SREBF2: variants seen among roughly 807,000 people sequenced by gnomAD.
The protein encoded by SREBF2 is sterol regulatory element binding transcription factor 2.
In SREBF2, 55 loss-of-function variants were observed where a neutral mutation model predicts 113.1. The observed-to-expected ratio is 0.49, with a 90% CI of 0.39 to 0.61. The LOEUF (loss-of-function observed/expected upper bound fraction) is 0.61. Among genes scored for constraint, SREBF2 ranks in the 20% least tolerant of loss-of-function variants. SREBF2 has a pLI of 0.00. For missense variants in SREBF2, 1,349 were observed against 1,487.4 expected (o/e 0.91, Z 1.53); for synonymous variants, 593 against 605.7 (o/e 0.98, Z 0.31).
chr22:41,894,956 T>TC lies in SREBF2; in HGVS notation c.2495+24dup, dbSNP rs1221527022. On this transcript the variant is annotated intron_variant, in intron 13 of 18. Transcript: ENST00000361204. ...AGAGCTGGTAAAGTCCCCAGACCAG[T>TC]CCCCCTGCCTTAGGACCTGTCCACG... 6.2e-7 allele frequency: 1 copy of TC among 1,602,710 alleles called. No individual in the cohort carries two copies. Among genetic ancestry groups the TC allele is most frequent in the Non-Finnish European group, 8.5e-7 (1 of 1,170,420 alleles).
chr22:41,841,827 T>C (rs1727652789), intron 1 of SREBF2, among the ~76,000 whole-genome samples: 1 of 152,212 alleles, frequency 6.6e-6, no homozygotes. Flanking sequence ...TGCTGTATGT[T>C]GAAGTAGTTG....
At chr22:41,874,872 A>G (rs1273752346) in intron 5 of SREBF2, among the ~76,000 whole-genome samples, 3 of 152,004 alleles carry the variant, frequency 2.0e-5, no homozygotes, top group African/African-American at 7.2e-5. Context: ...GCGCCATTGC[A>G]CTCCATCCTG....
In SREBF2 at chr22:41,867,027, C is replaced by A; in HGVS notation, c.285C>A (p.Val95=). Residue 95 remains valine, a synonymous_variant, in exon 2 of 19, where the codon GTC becomes GTA. Coordinates refer to ENST00000361204, the MANE Select transcript of SREBF2 (RefSeq NM_004599.4). ...CAGTGCAACGGTCATTCACCCAGGT[C>A]ACATTACCTTCCTTCTCTCCCTCGG... The part of the protein sequence containing the change: ...DPSVQRSFTQ[V]TLPSFSPSAA... The A allele has an allele frequency of 2.5e-6, 4 of 1,614,194 alleles. No homozygotes were observed. Among genetic ancestry groups the A allele is most frequent in the Non-Finnish European group, 3.4e-6 (4 of 1,180,048 alleles).
chr22:41,895,123 C>A (rs1318614265), intron 13 of SREBF2, among the ~76,000 whole-genome samples, 186 bp downstream of exon 13: 1 of 151,514 alleles, frequency 6.6e-6, no homozygotes, highest in African/African-American at 2.4e-5. Flanking sequence ...CCTGGCCTTT[C>A]CTCCTAGACC....
At chr22:41,901,923 G>A (rs1235079886) in intron 16 of SREBF2, among the ~76,000 whole-genome samples, 1 of 152,252 alleles carries the variant, frequency 6.6e-6, no homozygotes, top group Admixed American at 6.5e-5. Flanking sequence ...CCCTCGGAGG[G>A]CAGAATCCAG....
At chr22:41,886,120 C>T (rs1200356666) in intron 11 of SREBF2, 2 of 152,260 alleles carry the variant, frequency 1.3e-5, no homozygotes, top group Non-Finnish European at 2.9e-5. Flanking sequence ...AGCAGCCCTT[C>T]TTGAGCTTGA....
intron 1 of SREBF2, among the ~76,000 whole-genome samples, chr22:41,839,529 C>T (rs2076808128): frequency 6.6e-6 from 1 of 151,990 alleles, no homozygotes; most frequent in Non-Finnish European, 1.5e-5. Flanking sequence ...ATGAGGGAAT[C>T]CAAGGCAGAA....
At position 41,855,019 on chromosome 22, in the gene SREBF2, T is replaced by TA. The variant is rs746090034; in HGVS notation, c.89-11796dup. ...CTGGACCAACAGGCATGTGCAGCATTAAAAAAAAAAAAAAAACTTACTATG... is the reference window on the plus strand; with the variant it reads ...CTGGACCAACAGGCATGTGCAGCATTAAAAAAAAAAAAAAAAACTTACTATG... On this transcript the variant is annotated intron_variant, in intron 1 of 18. Transcript: ENST00000361204. 8.5e-3 allele frequency among the ~76,000 whole-genome samples: 1,173 copies of TA among 138,412 alleles called. 6 individuals carry two copies. The highest frequency in any genetic ancestry group is 0.012 in the African/African-American group (466 of 37,826). The allele number at this position is 138,412 out of a possible 152,430, so 90.8% of individuals were successfully genotyped here.
At chr22:41,847,738 C>T (rs1262755648) in intron 1 of SREBF2, among the ~76,000 whole-genome samples, 3 of 152,186 alleles carry the variant, frequency 2.0e-5, no homozygotes, top group Non-Finnish European at 4.4e-5. Context: ...GCATCTACCT[C>T]AAAGTGTCAT....
chr22:41,837,721 C>T (rs924219079), intron 1 of SREBF2, among the ~76,000 whole-genome samples: 4 of 149,620 alleles, frequency 2.7e-5, no homozygotes, highest in South Asian at 2.1e-4. Flanking sequence ...AGCCGGGCGT[C>T]GTGGCACATG....
At chr22:41,890,672 A>T (rs867406382) in intron 11 of SREBF2, among the ~76,000 whole-genome samples, 26 of 147,370 alleles carry the variant, frequency 1.8e-4, no homozygotes, top group South Asian at 1.1e-3. Flanking sequence ...TTAAAAAAAA[A>T]TTTTTTTTTT....
intron 3 of SREBF2, 31 bp downstream of exon 3, chr22:41,868,823 C>T: frequency 6.3e-7 from 1 of 1,577,150 alleles, no homozygotes; most frequent in Non-Finnish European, 8.6e-7. Context: ...CAGGGAGGCA[C>T]TGGTTGGGGC....
At chr22:41,868,474 T>A in intron 2 of SREBF2, 137 bp from the exon 3 acceptor site, 4 of 973,490 alleles carry the variant, frequency 4.1e-6, no homozygotes, top group Non-Finnish European at 6.5e-6. Context: ...ACCTTGTAAA[T>A]GGCTGTGCAC....
intron 1 of SREBF2, among the ~76,000 whole-genome samples, chr22:41,836,784 G>C (rs571183279): frequency 3.6e-4 from 55 of 152,286 alleles, no homozygotes; most frequent in African/African-American, 1.3e-3. Flanking sequence ...AGGTGAGGAA[G>C]GGGAGAGGCA....
intron 1 of SREBF2, among the ~76,000 whole-genome samples, chr22:41,855,851 C>A (rs2076972444): frequency 1.3e-5 from 2 of 151,440 alleles, no homozygotes; most frequent in Admixed American, 1.3e-4. Context: ...TGAACTCTGG[C>A]CTCAAGTGAT....
chr22:41,851,566 T>TCACTGCAACCTC (rs1435646373), intron 1 of SREBF2, among the ~76,000 whole-genome samples: 1 of 152,092 alleles, frequency 6.6e-6, no homozygotes, highest in Non-Finnish European at 1.5e-5. Flanking sequence ...CGATCTCGCC[T>TCACTGCAACCTC]CACTGCAACC....
At chr22:41,903,955 G>C (rs2077484799) in intron 17 of SREBF2, among the ~76,000 whole-genome samples, 1 of 152,186 alleles carries the variant, frequency 6.6e-6, no homozygotes, top group Non-Finnish European at 1.5e-5. Context: ...GGAGAAGAGG[G>C]CATGTACCCC....
intron 1 of SREBF2, among the ~76,000 whole-genome samples, chr22:41,865,896 C>G (rs1421939723): frequency 6.6e-6 from 1 of 152,186 alleles, no homozygotes; most frequent in Non-Finnish European, 1.5e-5. Flanking sequence ...CTCTCCTGGA[C>G]TTCATATATG....
At chr22:41,904,082 G>A (rs2077485770) in intron 17 of SREBF2, among the ~76,000 whole-genome samples, 1 of 152,104 alleles carries the variant, frequency 6.6e-6, no homozygotes, top group South Asian at 2.1e-4. Flanking sequence ...CTTGCTATGT[G>A]GCCCAGGCTG....
Sources: allele counts gnomAD v4.1 joint callset (sites outside exome capture counted in the v4.1 genomes callset), GRCh38; gene constraint gnomAD v4.1.1; transcripts MANE v1.5; gene names NCBI Gene and HGNC (gene_info 2026-07-23, HGNC 2026-07-21).